Variants in ITPK1 observed in about 807,000 individuals in gnomAD.
ITPK1 encodes inositol 1,3,4-trisphosphate 5/6-kinase.
In ITPK1, 21 loss-of-function variants were observed where a neutral mutation model predicts 45.3. The ratio of observed to expected loss-of-function variants is 0.46; its 90% CI spans 0.33 to 0.67. ITPK1 has a LOEUF of 0.67. Ranked by LOEUF, ITPK1 falls within the 30% of genes least tolerant of loss-of-function variation. The pLI, the probability that ITPK1 is intolerant of heterozygous loss-of-function variation, is 0.02. For missense variants in ITPK1, 474 were observed against 573.5 expected (o/e 0.83, Z 1.77); for synonymous variants, 258 against 253.6 (o/e 1.02, Z -0.16).
Position 93,012,263 on chromosome 14 carries a change from C to T in ITPK1, c.246+4413G>A, listed in dbSNP as rs140609741. Among the ~76,000 whole-genome samples, 502 of 152,366 alleles carry T rather than the reference C, an allele frequency of 3.3e-3. 4 individuals carry two copies. The highest frequency in any genetic ancestry group is 0.012 in the African/African-American group (489 of 41,594). ...GACAATAGCCACTGATAAAGAATTA[C>T]GAACTTCCGAAGGGCATGAAGGAAA... is the stretch of plus-strand genomic sequence containing the variant. On this transcript the variant is annotated intron_variant, in intron 4 of 10. Coordinates refer to ENST00000267615, the MANE Select transcript of ITPK1 (RefSeq NM_014216.6). The surrounding 1 kb of genome is among the most constrained non-coding windows in gnomAD (Gnocchi z 4.9).
chr14:92,981,766 A>C (rs925180709), intron 5 of ITPK1, among the ~76,000 whole-genome samples: 5 of 152,352 alleles, frequency 3.3e-5, no homozygotes, highest in South Asian at 4.1e-4. Context: ...GACAATGACG[A>C]AACAGTGGAA....
At chr14:93,100,868 C>T (rs376205151) in intron 2 of ITPK1, among the ~76,000 whole-genome samples, 67 of 152,302 alleles carry the variant, frequency 4.4e-4, no homozygotes, top group African/African-American at 1.6e-3. Context: ...GATTTGCAGC[C>T]ATGTGGCCCA....
chr14:93,055,417 CTCCT>C (rs2139937664), intron 3 of ITPK1, among the ~76,000 whole-genome samples: 1 of 152,308 alleles, frequency 6.6e-6, no homozygotes, highest in African/African-American at 2.4e-5. Context: ...GCCCCTTACT[CTCCT>C]TCATTTTTCT....
At chr14:92,949,557 C>T (rs1416798920) in intron 9 of ITPK1, among the ~76,000 whole-genome samples, 3 of 152,226 alleles carry the variant, frequency 2.0e-5, no homozygotes, top group Admixed American at 6.5e-5. Flanking sequence ...CCACTGTGTA[C>T]CCTAAGCCAT....
At position 92,940,305 on chromosome 14, in the gene ITPK1, CA is replaced by C; in HGVS notation, c.*1255del. On this transcript the variant is annotated 3_prime_UTR_variant, in exon 11 of 11. Coordinates refer to ENST00000267615, the MANE Select transcript of ITPK1 (RefSeq NM_014216.6). ...GTGGGGGCTGATGCCTCTCACCCAGCACCCCACATCTTCCAGGACTGCAGAG... is the reference window on the plus strand; with the variant it reads ...GTGGGGGCTGATGCCTCTCACCCAGCCCCCACATCTTCCAGGACTGCAGAG... 2 of 990,408 alleles carry C rather than the reference CA, an allele frequency of 2.0e-6. No homozygotes were observed. The highest frequency in any genetic ancestry group is 2.4e-6 in the Non-Finnish European group (2 of 832,936). The allele number at this position is 990,408 out of a possible 1,614,324, so 61.4% of individuals were successfully genotyped here. A position where few individuals can be genotyped will look rare whatever the true frequency, so the allele number is the denominator to read the frequency against.
At chr14:92,990,616 T>C (rs1275536104) in intron 5 of ITPK1, among the ~76,000 whole-genome samples, 1 of 152,204 alleles carries the variant, frequency 6.6e-6, no homozygotes, top group African/African-American at 2.4e-5. Flanking sequence ...GAATGAGCTC[T>C]GGGAATGTGG....
intron 3 of ITPK1, among the ~76,000 whole-genome samples, chr14:93,073,930 G>A (rs539952058): frequency 1.3e-5 from 2 of 152,250 alleles, no homozygotes; most frequent in Admixed American, 6.5e-5. Context: ...ACAGGAAGAC[G>A]GCTGGCAGCA....
At chr14:93,087,634 G>C (rs80337723) in intron 2 of ITPK1, among the ~76,000 whole-genome samples, 3,183 of 152,330 alleles carry the variant, frequency 0.021, 79 homozygotes, top group Admixed American at 0.081. Context: ...TCTTTGGTGG[G>C]GAGTGGCAGG....
chr14:93,039,056 C>T lies in ITPK1; in HGVS notation c.121-22255G>A, dbSNP rs905138507. ...GGAGTTAAGTTCCCTTTGCTACCACCGCCGACCTTGCTGCCATGGCTACAG... is the reference window on the plus strand; with the variant it reads ...GGAGTTAAGTTCCCTTTGCTACCACTGCCGACCTTGCTGCCATGGCTACAG... On this transcript the variant is annotated intron_variant, in intron 3 of 10. Transcript: ENST00000267615. 1.2e-4 allele frequency among the ~76,000 whole-genome samples: 19 copies of T among 152,304 alleles called. 1 individual carries two copies. Among genetic ancestry groups the T allele is most frequent in the South Asian group, 4.1e-4 (2 of 4,822 alleles).
At chr14:93,057,529 A>T (rs1402933504) in intron 3 of ITPK1, among the ~76,000 whole-genome samples, 2 of 152,214 alleles carry the variant, frequency 1.3e-5, no homozygotes, top group Non-Finnish European at 2.9e-5. Context: ...TCAAGATGAA[A>T]GGCTAAGAAA....
rs567781348 is a variant in ITPK1 at position 93,085,510 on chromosome 14, CAA to C, written c.96-8893_96-8892del. 8.2e-4 allele frequency among the ~76,000 whole-genome samples: 125 copies of C among 152,260 alleles called. 1 individual carries two copies. The highest frequency in any genetic ancestry group is 2.9e-3 in the African/African-American group (119 of 41,562). On this transcript the variant is annotated intron_variant, in intron 2 of 10. Transcript: ENST00000267615. ...AGCAGCTTTTCCCAGTGAACAGGCA[CAA>C]GAGAGAGACAGAGTGGGTGACCCAC...
chr14:92,993,995 C>G lies in ITPK1; in HGVS notation c.249G>C (p.Glu83Asp), dbSNP rs565485709. The G allele has an allele frequency of 1.2e-6, 2 of 1,604,810 alleles. No homozygotes were observed. The highest frequency in any genetic ancestry group is 2.2e-5 in the East Asian group (1 of 44,828). ...TGGTCTCAGGGTGGGCATCGATGTA[C>G]TCCTGAAAGGGAAGCATGCTGCTCT... ...QSLELVHRFQ[E>D]YIDAHPETIV... Residue 83 changes from glutamate to aspartate, a missense_variant and splice_region_variant, in exon 5 of 11, where the codon GAG becomes GAC. Physicochemically the swap from Glu to Asp is conservative, Grantham distance 45. Coordinates refer to ENST00000267615, the MANE Select transcript of ITPK1 (RefSeq NM_014216.6).
chr14:93,065,775 G>C (rs1890718657), intron 3 of ITPK1, among the ~76,000 whole-genome samples: 1 of 152,212 alleles, frequency 6.6e-6, no homozygotes, highest in Non-Finnish European at 1.5e-5. Flanking sequence ...CAGCAAACCA[G>C]AAATAACCTA....
intron 3 of ITPK1, among the ~76,000 whole-genome samples, chr14:93,057,942 C>CTT (rs1890278467): frequency 6.6e-6 from 1 of 152,190 alleles, no homozygotes; most frequent in Non-Finnish European, 1.5e-5. Context: ...GTGGGAGAAA[C>CTT]CCATCAGCTC....
intron 2 of ITPK1, among the ~76,000 whole-genome samples, chr14:93,079,668 C>T (rs1448309164): frequency 6.6e-6 from 1 of 152,210 alleles, no homozygotes; most frequent in African/African-American, 2.4e-5. Context: ...AACAACCTGT[C>T]GGGGCTCATT....
At chr14:93,074,493 G>T (rs749150713) in intron 3 of ITPK1, among the ~76,000 whole-genome samples, 1 of 152,200 alleles carries the variant, frequency 6.6e-6, no homozygotes, top group Non-Finnish European at 1.5e-5. Flanking sequence ...GTTTGAGGTC[G>T]CGTATGGACA....
rs1419395270 is a variant in ITPK1, at chr14:92,938,781, C to G, written c.*2780G>C. On this transcript the variant is annotated 3_prime_UTR_variant, in exon 11 of 11. Transcript: ENST00000267615. ...TGGCTCTTGGGGTGGGGACACCCAG[C>G]AGCTGGCACTCAGTTGGGGGGTTAT... 38 of 589,512 alleles carry G rather than the reference C, an allele frequency of 6.4e-5. No individual in the cohort carries two copies. The East Asian group carries it at 1.0e-3, about 16-fold the overall frequency. 36.5% of individuals were successfully genotyped at this position (589,512 alleles called of 1,614,324 possible).
intron 3 of ITPK1, among the ~76,000 whole-genome samples, chr14:93,022,724 A>G (rs567355481): frequency 2.8e-4 from 43 of 152,192 alleles, no homozygotes; most frequent in African/African-American, 9.4e-4. Flanking sequence ...CATCTCTACC[A>G]GATGTTGGGC....
intron 2 of ITPK1, among the ~76,000 whole-genome samples, chr14:93,097,092 C>A (rs1297408576): frequency 6.6e-6 from 1 of 152,194 alleles, no homozygotes; most frequent in Non-Finnish European, 1.5e-5. Context: ...CAGCCCAGCA[C>A]CAGCTGGGCA....
Sources: gnomAD v4.1 joint callset for allele counts (sites outside exome capture counted in the v4.1 genomes callset) on GRCh38, gnomAD v4.1.1 for gene constraint, Gnocchi (gnomAD v3.1) non-coding constraint, MANE v1.5 for transcripts, NCBI Gene and HGNC (gene_info 2026-07-23, HGNC 2026-07-21) for gene names.